The following NREP variants were observed in gnomAD, a reference collection of about 807,000 sequenced individuals.
NREP encodes the protein neuronal regeneration-related protein.
In NREP, 5 loss-of-function variants were observed where a neutral mutation model predicts 8.6. That is an observed-to-expected ratio of 0.58 (90% CI 0.30 to 1.22). The LOEUF is 1.22. Ranked by LOEUF, NREP falls within the 50% of genes most tolerant of loss-of-function variation. NREP has a pLI of 0.07. For missense variants in NREP, 86 were observed against 82.5 expected, an observed-to-expected ratio of 1.04 and a Z score of -0.17; for synonymous variants, 27 against 28.0, an observed-to-expected ratio of 0.96 and a Z score of 0.11.
chr5:111,899,084 C>T (rs1357735631), intron 2 of NREP, among the ~76,000 whole-genome samples: 1 of 152,086 alleles, frequency 6.6e-6, no homozygotes, highest in Non-Finnish European at 1.5e-5. Context: ...ACAAGAAATG[C>T]TTAAGGCAGT....
intron 1 of NREP, among the ~76,000 whole-genome samples, chr5:111,975,651 A>T (rs1045534331): frequency 3.9e-5 from 6 of 152,230 alleles, no homozygotes; most frequent in Non-Finnish European, 7.3e-5. Context: ...CTAAAAATGC[A>T]TACATATTAC....
intron 2 of NREP, among the ~76,000 whole-genome samples, chr5:111,809,934 A>G (rs968354182): frequency 6.6e-6 from 1 of 151,448 alleles, no homozygotes; most frequent in African/African-American, 2.4e-5. Context: ...AGTTATTGAT[A>G]AAATAACAGC....
chr5:111,780,669 TG>T (rs1452435703), intron 2 of NREP, among the ~76,000 whole-genome samples: 1 of 152,148 alleles, frequency 6.6e-6, no homozygotes, highest in Non-Finnish European at 1.5e-5. Flanking sequence ...GGAAATAATA[TG>T]AAGCACAGTT....
chr5:111,734,988 C>T, intron 3 of NREP: 1 of 388,010 alleles, frequency 2.6e-6, no homozygotes, highest in Non-Finnish European at 4.6e-6. Context: ...TTTTTAGGCT[C>T]AAAAATTAGA....
intron 3 of NREP, chr5:111,734,659 G>T: frequency 3.0e-6 from 2 of 674,176 alleles, no homozygotes; most frequent in South Asian, 1.6e-5. Flanking sequence ...AACAGCTGGG[G>T]GAGGACTCAC....
intron 2 of NREP, among the ~76,000 whole-genome samples, chr5:111,903,896 G>A (rs1217621307): frequency 2.0e-5 from 3 of 152,128 alleles, no homozygotes; most frequent in African/African-American, 7.2e-5. Flanking sequence ...CTGGCTGAAA[G>A]CTCACAATTC....
At chr5:111,861,503 G>A (rs1753542539) in intron 2 of NREP, among the ~76,000 whole-genome samples, 1 of 152,090 alleles carries the variant, frequency 6.6e-6, no homozygotes, top group East Asian at 1.9e-4. Flanking sequence ...TGTGCTTATT[G>A]TACCTTCCAC....
At chr5:111,776,425 G>A (rs1443060554) in intron 2 of NREP, among the ~76,000 whole-genome samples, 4 of 152,072 alleles carry the variant, frequency 2.6e-5, no homozygotes, top group Non-Finnish European at 4.4e-5. Flanking sequence ...GTTCACTAAA[G>A]CTAAACATAC....
At chr5:111,852,783 C>T (rs1214371105) in intron 2 of NREP, among the ~76,000 whole-genome samples, 1 of 152,078 alleles carries the variant, frequency 6.6e-6, no homozygotes, top group Admixed American at 6.6e-5. Flanking sequence ...GACATTAAAC[C>T]ATTACAAGTG....
intron 2 of NREP, among the ~76,000 whole-genome samples, chr5:111,777,053 G>A (rs1370604996): frequency 6.6e-6 from 1 of 151,628 alleles, no homozygotes; most frequent in East Asian, 1.9e-4. Context: ...GGAGGAGGAG[G>A]AAGAAGAGGA....
chr5:111,966,099 G>A (rs181851612), intron 2 of NREP, among the ~76,000 whole-genome samples: 8 of 152,176 alleles, frequency 5.3e-5, no homozygotes, highest in Non-Finnish European at 1.2e-4. Flanking sequence ...TCCCTGAATA[G>A]GGCAAGAAAT....
chr5:111,934,402 G>A (rs556665053), intron 2 of NREP, among the ~76,000 whole-genome samples: 1 of 152,134 alleles, frequency 6.6e-6, no homozygotes, highest in African/African-American at 2.4e-5. Context: ...CATTTCTAAA[G>A]AGCTAAGTAG....
At chr5:111,966,962 G>T (rs1756659782) in intron 2 of NREP, among the ~76,000 whole-genome samples, 1 of 152,204 alleles carries the variant, frequency 6.6e-6, no homozygotes, top group Non-Finnish European at 1.5e-5. Flanking sequence ...GTCTAGGCCA[G>T]TGCTTCTCAA....
At chr5:111,769,035 T>G (rs1462684950) in intron 2 of NREP, among the ~76,000 whole-genome samples, 2 of 152,222 alleles carry the variant, frequency 1.3e-5, no homozygotes, top group African/African-American at 4.8e-5. Flanking sequence ...TTGTTTTTTT[T>G]GACTTTTAAT....
intron 2 of NREP, among the ~76,000 whole-genome samples, chr5:111,819,647 A>G (rs1328861133): frequency 6.6e-6 from 1 of 152,246 alleles, no homozygotes; most frequent in South Asian, 2.1e-4. Context: ...GCCTCTGGTC[A>G]TAACATTTTC....
intron 2 of NREP, among the ~76,000 whole-genome samples, chr5:111,897,206 A>T (rs940004651): frequency 6.6e-6 from 1 of 152,146 alleles, no homozygotes; most frequent in African/African-American, 2.4e-5. Context: ...ATATTTGGAT[A>T]CCCATTTTTA....
At chr5:111,800,414 T>G (rs1751977527) in intron 2 of NREP, among the ~76,000 whole-genome samples, 1 of 152,264 alleles carries the variant, frequency 6.6e-6, no homozygotes, top group Admixed American at 6.5e-5. Context: ...CTTGTGCCAT[T>G]GCACAGAAGG....
intron 2 of NREP, among the ~76,000 whole-genome samples, chr5:111,888,548 C>T (rs757494021): frequency 1.2e-4 from 19 of 152,156 alleles, no homozygotes; most frequent in Non-Finnish European, 2.6e-4. Flanking sequence ...CACCTAGTCC[C>T]ACCTTTGACA....
At chr5:111,864,149 A>G (rs763041054) in intron 2 of NREP, among the ~76,000 whole-genome samples, 7 of 152,190 alleles carry the variant, frequency 4.6e-5, no homozygotes, top group Admixed American at 6.6e-5. Flanking sequence ...GACATGTTCA[A>G]TCCTACTCAC....
Sources: gnomAD v4.1 joint callset for allele counts (sites outside exome capture counted in the v4.1 genomes callset) on GRCh38, gnomAD v4.1.1 for gene constraint, MANE v1.5 for transcripts, NCBI Gene and HGNC (gene_info 2026-07-23, HGNC 2026-07-21) for gene names.